The following SPRED2 variants were observed in gnomAD, a reference collection of about 807,000 sequenced individuals.
The protein encoded by SPRED2 is sprouty related EVH1 domain containing 2.
In SPRED2, 47 loss-of-function variants were observed where a neutral mutation model predicts 43.0. That is an observed-to-expected ratio of 1.09 (90% confidence interval 0.87 to 1.40). The LOEUF is 1.40. Ranked by LOEUF, SPRED2 falls within the 40% of genes most tolerant of loss-of-function variation. SPRED2 has a pLI of 0.00. For synonymous variants in SPRED2, 225 were observed against 225.7 expected, an observed-to-expected ratio of 1.00 and a Z score of 0.03; for missense variants, 561 against 586.4, an observed-to-expected ratio of 0.96 and a Z score of 0.45.
chr2:65,320,207 G>C (rs890525048), intron 4 of SPRED2, among the ~76,000 whole-genome samples: 1 of 152,204 alleles, frequency 6.6e-6, no homozygotes, highest in African/African-American at 2.4e-5. Flanking sequence ...TAGGTTAGAA[G>C]TTAGCCTTGT....
At chr2:65,381,666 A>C (rs1228406543) in intron 1 of SPRED2, among the ~76,000 whole-genome samples, 1 of 152,238 alleles carries the variant, frequency 6.6e-6, no homozygotes, top group African/African-American at 2.4e-5. Flanking sequence ...TGGCAAAAGC[A>C]GGGAGGTGCC....
At chr2:65,367,074 G>A (rs547135310) in intron 1 of SPRED2, among the ~76,000 whole-genome samples, 1 of 152,268 alleles carries the variant, frequency 6.6e-6, no homozygotes, top group South Asian at 2.1e-4. Context: ...CCAAAGTTGA[G>A]AGCAAGGATC....
At chr2:65,428,479 A>T (rs2028151) in intron 1 of SPRED2, among the ~76,000 whole-genome samples, 74,164 of 152,104 alleles carry the variant, frequency 0.49, 20,300 homozygotes, top group African/African-American at 0.75. Flanking sequence ...CCAGGGAATT[A>T]TTAATTTTGT....
intron 1 of SPRED2, among the ~76,000 whole-genome samples, chr2:65,422,109 C>T (rs899340939): frequency 8.1e-5 from 6 of 74,212 alleles, no homozygotes; most frequent in Non-Finnish European, 1.8e-4. Context: ...CACACACTCT[C>T]TCTCTCTCTC....
chr2:65,310,844 C>T (rs2104088625), downstream of SPRED2: 1 of 984,490 alleles, frequency 1.0e-6, no homozygotes, highest in South Asian at 4.7e-5. Flanking sequence ...TACCCCAAAG[C>T]CAGCGATCTG....
intron 1 of SPRED2, chr2:65,377,596 A>G (rs1434500675): frequency 4.2e-6 from 2 of 471,138 alleles, no homozygotes. Context: ...GTGTTACCTC[A>G]GAGGGCAGAA....
intron 1 of SPRED2, among the ~76,000 whole-genome samples, chr2:65,369,255 A>T (rs1396755118): frequency 1.4e-5 from 2 of 140,848 alleles, no homozygotes; most frequent in Non-Finnish European, 3.2e-5. Context: ...AAGGGGAGAC[A>T]CATACATACA....
intron 1 of SPRED2, among the ~76,000 whole-genome samples, chr2:65,381,418 T>C (rs1675371299): frequency 6.6e-6 from 1 of 152,200 alleles, no homozygotes; most frequent in African/African-American, 2.4e-5. Flanking sequence ...TGCCCACCAA[T>C]TTCTAGCTTG....
At chr2:65,361,775 G>A (rs560093026) in intron 1 of SPRED2, among the ~76,000 whole-genome samples, 4 of 152,292 alleles carry the variant, frequency 2.6e-5, no homozygotes, top group African/African-American at 4.8e-5. Context: ...CTCTGGCGAC[G>A]TGATGAGAAC....
chr2:65,411,602 T>C (rs1293186968), intron 1 of SPRED2, among the ~76,000 whole-genome samples: 2 of 152,192 alleles, frequency 1.3e-5, no homozygotes, highest in Admixed American at 6.5e-5. Flanking sequence ...CTTGCTTTAA[T>C]TGGCTTCTAT....
intron 4 of SPRED2, among the ~76,000 whole-genome samples, chr2:65,319,289 G>A (rs748208568): frequency 6.6e-5 from 10 of 152,124 alleles, no homozygotes; most frequent in Non-Finnish European, 1.0e-4. Context: ...ATGAACACAC[G>A]GTGCTCTCCG....
intron 1 of SPRED2, among the ~76,000 whole-genome samples, chr2:65,349,163 T>G (rs1674434167): frequency 6.6e-6 from 1 of 151,948 alleles, no homozygotes; most frequent in African/African-American, 2.4e-5. Flanking sequence ...AAAAATTAGC[T>G]GGGCGTGGCG....
intron 1 of SPRED2, among the ~76,000 whole-genome samples, chr2:65,402,546 T>C (rs568743424): frequency 3.2e-4 from 48 of 152,238 alleles, no homozygotes; most frequent in African/African-American, 8.9e-4. Context: ...ACAGATGGGA[T>C]GTGAAGTCAT....
chr2:65,310,458 TACACACACACACAC>T (rs55916427), downstream of SPRED2, among the ~76,000 whole-genome samples: 4,271 of 137,974 alleles, frequency 0.031, 91 homozygotes, highest in Non-Finnish European at 0.042. Flanking sequence ...TCCTCCAAAC[TACACACACACACAC>T]ACACACACAC....
chr2:65,334,295 T>C (rs1248181014), intron 3 of SPRED2: 1 of 493,066 alleles, frequency 2.0e-6, no homozygotes, highest in Non-Finnish European at 4.1e-6. Context: ...ACCAAAGCCA[T>C]TTCAATAGTC....
chr2:65,418,404 C>G (rs1676338465), intron 1 of SPRED2, among the ~76,000 whole-genome samples: 1 of 152,160 alleles, frequency 6.6e-6, no homozygotes, highest in African/African-American at 2.4e-5. Context: ...GAGATGTCTC[C>G]TCTCCACCTT....
chr2:65,416,008 G>A (rs1676264276), intron 1 of SPRED2, among the ~76,000 whole-genome samples: 1 of 152,184 alleles, frequency 6.6e-6, no homozygotes, highest in Admixed American at 6.5e-5. Flanking sequence ...AGAGAGAGGA[G>A]GATCTTTAAA....
chr2:65,356,998 CACAAA>C (rs1369207824), intron 1 of SPRED2, among the ~76,000 whole-genome samples: 2 of 151,932 alleles, frequency 1.3e-5, no homozygotes, highest in Admixed American at 6.6e-5. Flanking sequence ...TGTCTCAAAA[CACAAA>C]ACAAAACAAA....
chr2:65,376,331 AT>A (rs1451503237), intron 1 of SPRED2, among the ~76,000 whole-genome samples: 59 of 152,344 alleles, frequency 3.9e-4, no homozygotes, highest in African/African-American at 1.2e-3. Flanking sequence ...TTCAGAGCAG[AT>A]TCTGGACTGT....
Sources: gnomAD v4.1 joint callset for allele counts (sites outside exome capture counted in the v4.1 genomes callset) on GRCh38, gnomAD v4.1.1 for gene constraint, MANE v1.5 for transcripts, NCBI Gene and HGNC (gene_info 2026-07-23, HGNC 2026-07-21) for gene names.